Variants in SEMA6A observed in about 807,000 individuals in gnomAD.
The protein encoded by SEMA6A is semaphorin 6A.
SEMA6A carries 25 observed loss-of-function variants against 96.8 expected under a neutral mutation model. That is an observed-to-expected ratio of 0.26 (90% CI 0.19 to 0.36). SEMA6A has a LOEUF of 0.36. SEMA6A is among the 10% of genes least tolerant of loss of function. The pLI, the probability that SEMA6A is intolerant of heterozygous loss-of-function variation, is 1.00. For synonymous variants in SEMA6A, 612 were observed against 518.0 expected, an observed-to-expected ratio of 1.18 and a Z score of -2.46; for missense variants, 1,363 against 1,323.1, an observed-to-expected ratio of 1.03 and a Z score of -0.47.
intron 17 of SEMA6A, among the ~76,000 whole-genome samples, chr5:116,470,372 T>A (rs1756047175): frequency 6.6e-6 from 1 of 152,230 alleles, no homozygotes; most frequent in East Asian, 1.9e-4. Context: ...TATATTTTTG[T>A]CTTATCAGTC....
chr5:116,446,557 T>C lies in SEMA6A; in HGVS notation c.*56A>G, dbSNP rs1229673102. ...GAGGCAGTTGAGAACCTTGCTGAGC[T>C]GAGCGGGCACCTCGCCTTGCCTGCT... On this transcript the variant is annotated 3_prime_UTR_variant, in exon 19 of 19. Coordinates refer to ENST00000343348, the MANE Select transcript of SEMA6A (RefSeq NM_020796.5). The C allele has an allele frequency of 2.1e-6, 3 of 1,402,076 alleles. No individual in the cohort carries two copies. The highest frequency in any genetic ancestry group is 2.8e-6 in the Non-Finnish European group (3 of 1,054,882). The allele number at this position is 1,402,076 out of a possible 1,614,324, so 86.9% of individuals were successfully genotyped here.
chr5:116,454,373 A>C (rs1016046576), intron 18 of SEMA6A, among the ~76,000 whole-genome samples: 2 of 152,296 alleles, frequency 1.3e-5, no homozygotes, highest in South Asian at 2.1e-4. Context: ...TGAAATCCTC[A>C]TAACAACTTG....
chr5:116,565,297 C>CA (rs1760980493), intron 1 of SEMA6A, among the ~76,000 whole-genome samples: 1 of 152,188 alleles, frequency 6.6e-6, no homozygotes, highest in Non-Finnish European at 1.5e-5. Flanking sequence ...TTTCAGAGCA[C>CA]AACTGTCAAA....
intron 1 of SEMA6A, chr5:116,554,775 A>G (rs1056928127): frequency 1.4e-5 from 2 of 142,090 alleles, no homozygotes; most frequent in African/African-American, 5.3e-5. Context: ...CCTGGAACCA[A>G]AAATCTCTGG....
chr5:116,479,266 A>C (rs1029548634), intron 12 of SEMA6A, among the ~76,000 whole-genome samples: 5 of 152,202 alleles, frequency 3.3e-5, no homozygotes, highest in Non-Finnish European at 5.9e-5. Context: ...ATCCATTTAA[A>C]GCTAAAGGTG....
chr5:116,564,594 TG>T (rs1351192826), intron 1 of SEMA6A, among the ~76,000 whole-genome samples: 1 of 152,172 alleles, frequency 6.6e-6, no homozygotes, highest in Non-Finnish European at 1.5e-5. Context: ...CCAGAATGTG[TG>T]TATGTGTATC....
intron 1 of SEMA6A, among the ~76,000 whole-genome samples, chr5:116,561,647 T>A (rs1456549057): frequency 6.6e-6 from 1 of 152,252 alleles, no homozygotes; most frequent in African/African-American, 2.4e-5. Context: ...TTTCAAAGGC[T>A]TGTCTTGCAC....
At chr5:116,534,386 A>G (rs1345077201) in intron 1 of SEMA6A, among the ~76,000 whole-genome samples, 1 of 152,186 alleles carries the variant, frequency 6.6e-6, no homozygotes, top group Non-Finnish European at 1.5e-5. Flanking sequence ...CATGGCTCAC[A>G]ACTCTGATGC....
At chr5:116,494,719 A>G (rs1305990872) in intron 6 of SEMA6A, among the ~76,000 whole-genome samples, 1 of 152,210 alleles carries the variant, frequency 6.6e-6, no homozygotes, top group Non-Finnish European at 1.5e-5. Context: ...GTAGAAACAC[A>G]GTACATGTTT....
At chr5:116,490,253 C>T (rs891039964) in intron 7 of SEMA6A, among the ~76,000 whole-genome samples, 1 of 152,074 alleles carries the variant, frequency 6.6e-6, no homozygotes, top group Non-Finnish European at 1.5e-5. Context: ...AAAATATCTA[C>T]GAATCATAAC....
chr5:116,465,577 A>G (rs1175651506), intron 18 of SEMA6A, among the ~76,000 whole-genome samples: 1 of 152,226 alleles, frequency 6.6e-6, no homozygotes, highest in Non-Finnish European at 1.5e-5. Context: ...CCATTGTTTG[A>G]CAATATGTAG....
intron 1 of SEMA6A, among the ~76,000 whole-genome samples, chr5:116,521,887 G>A (rs1758966448): frequency 1.3e-5 from 2 of 152,164 alleles, no homozygotes; most frequent in South Asian, 4.1e-4. Context: ...CAGAAAAAAA[G>A]TATGAAACAT....
intron 10 of SEMA6A, among the ~76,000 whole-genome samples, chr5:116,484,786 A>G (rs1460682951): frequency 6.6e-6 from 1 of 152,226 alleles, no homozygotes; most frequent in Non-Finnish European, 1.5e-5. Context: ...GATGTTGGTC[A>G]GGTGGGCAAA....
intron 16 of SEMA6A, among the ~76,000 whole-genome samples, chr5:116,473,769 T>C (rs1756295115): frequency 6.6e-6 from 1 of 152,180 alleles, no homozygotes; most frequent in African/African-American, 2.4e-5. Context: ...TATGTGGGGA[T>C]AGGTCTGTCT....
chr5:116,472,936 C>CAAT, intron 17 of SEMA6A, 137 bp downstream of exon 17: 1 of 1,523,832 alleles, frequency 6.6e-7, no homozygotes, highest in Middle Eastern at 1.7e-4. Flanking sequence ...GTTGAAATGT[C>CAAT]TATAAAAAAA....
rs1738814061 is a variant in SEMA6A at position 116,571,322 on chromosome 5, C to T, written c.-39+2863G>A. On this transcript the variant is annotated intron_variant, in intron 1 of 18. Transcript: ENST00000343348. Reference sequence around the variant, plus strand: ...GAAATGATTTTCGGTATCTGCTTAACATTTACATATGTGGATTATATGCGT... The same window carrying T: ...GAAATGATTTTCGGTATCTGCTTAATATTTACATATGTGGATTATATGCGT... Among the ~76,000 whole-genome samples the T allele has an allele frequency of 2.6e-5, 4 of 152,240 alleles. No individual in the cohort carries two copies. The South Asian group carries it at 8.3e-4, about 32-fold the overall frequency.
At chr5:116,463,489 CG>C (rs1432973335) in intron 18 of SEMA6A, among the ~76,000 whole-genome samples, 1 of 152,056 alleles carries the variant, frequency 6.6e-6, no homozygotes, top group African/African-American at 2.4e-5. Context: ...TGAATCTTAC[CG>C]GAATATTATT....
chr5:116,572,507 C>G (rs550787792), intron 1 of SEMA6A, among the ~76,000 whole-genome samples: 1 of 152,344 alleles, frequency 6.6e-6, no homozygotes, highest in Admixed American at 6.5e-5. Context: ...ACACCTGGCT[C>G]TGCTTCCTCC....
chr5:116,470,383 C>T (rs1017712115), intron 17 of SEMA6A, among the ~76,000 whole-genome samples: 3 of 152,024 alleles, frequency 2.0e-5, no homozygotes, highest in Admixed American at 2.0e-4. Flanking sequence ...CTTATCAGTC[C>T]AATAAGAAAG....
Sources: gnomAD v4.1 joint callset for allele counts (sites outside exome capture counted in the v4.1 genomes callset) on GRCh38, gnomAD v4.1.1 for gene constraint, MANE v1.5 for transcripts, NCBI Gene and HGNC (gene_info 2026-07-23, HGNC 2026-07-21) for gene names.